The following OLA1 variants were observed in gnomAD, a reference collection of about 807,000 sequenced individuals.
The protein encoded by OLA1 is obg-like ATPase 1.
A neutral mutation model predicts 48.4 loss-of-function variants in OLA1; 14 were observed. The ratio of observed to expected loss-of-function variants is 0.29; its 90% CI spans 0.19 to 0.45. OLA1 has a LOEUF of 0.45. Ranked by LOEUF, OLA1 falls within the 20% of genes least tolerant of loss-of-function variation. The pLI is 1.00. For missense variants in OLA1, 325 were observed against 467.1 expected (o/e 0.70, Z 2.80); for synonymous variants, 127 against 150.4 (o/e 0.84, Z 1.14).
chr2:174,121,901 T>C (rs79419068), intron 7 of OLA1, among the ~76,000 whole-genome samples: 146 of 152,332 alleles, frequency 9.6e-4, no homozygotes, highest in Non-Finnish European at 1.8e-3. Context: ...ATGTAAACTT[T>C]GATGTCTGTA....
chr2:174,217,407 C>T (rs1688386544), intron 4 of OLA1, among the ~76,000 whole-genome samples: 1 of 151,956 alleles, frequency 6.6e-6, no homozygotes, highest in Non-Finnish European at 1.5e-5. Context: ...CACCAACCTG[C>T]TAATTATTAT....
chr2:174,102,847 CA>C (rs1468051055), intron 7 of OLA1, among the ~76,000 whole-genome samples: 1 of 152,154 alleles, frequency 6.6e-6, no homozygotes, highest in African/African-American at 2.4e-5. Context: ...CCTATTGTAT[CA>C]AGTTGCCTGT....
chr2:174,141,728 C>T, intron 5 of OLA1, 97 bp downstream of exon 5: 1 of 949,022 alleles, frequency 1.1e-6, no homozygotes, highest in Non-Finnish European at 1.5e-6. Context: ...TCTAAAATTC[C>T]ATAACAATAT....
rs184081984 is a variant in OLA1 at position 174,228,733 on chromosome 2, T to A, written c.245+575A>T. 1.5e-3 allele frequency among the ~76,000 whole-genome samples: 226 copies of A among 152,310 alleles called. 2 individuals are homozygous for A. Among genetic ancestry groups the A allele is most frequent in the Non-Finnish European group, 3.2e-4 (22 of 68,022 alleles). ...CAGTCTATGATCATTTCATACATTT[T>A]TTATGCATATAAACAAACACATTTA... is the stretch of plus-strand genomic sequence containing the variant. On this transcript the variant is annotated intron_variant, in intron 3 of 10. Coordinates refer to ENST00000284719, the MANE Select transcript of OLA1 (RefSeq NM_013341.5).
chr2:174,116,269 C>T (rs1685780524), intron 7 of OLA1, among the ~76,000 whole-genome samples: 2 of 152,144 alleles, frequency 1.3e-5, no homozygotes, highest in Non-Finnish European at 2.9e-5. Context: ...AAAATGGTCA[C>T]AGATACAAAA....
intron 4 of OLA1, among the ~76,000 whole-genome samples, chr2:174,145,855 G>A (rs1468483485): frequency 1.3e-5 from 2 of 152,292 alleles, no homozygotes; most frequent in Non-Finnish European, 2.9e-5. Context: ...GATGATGATA[G>A]GATATGATAC....
intron 4 of OLA1, among the ~76,000 whole-genome samples, chr2:174,171,084 T>A (rs1450234020): frequency 6.6e-6 from 1 of 152,206 alleles, no homozygotes; most frequent in Non-Finnish European, 1.5e-5. Context: ...TAAGGCATAA[T>A]ATACACATAA....
intron 1 of OLA1, among the ~76,000 whole-genome samples, chr2:174,247,470 A>T (rs1689151831): frequency 6.6e-6 from 1 of 152,248 alleles, no homozygotes; most frequent in South Asian, 2.1e-4. Context: ...CTCACAAAAC[A>T]CTTTATATCT....
At chr2:174,242,227 G>C (rs1309664060) in intron 2 of OLA1, among the ~76,000 whole-genome samples, 1 of 152,228 alleles carries the variant, frequency 6.6e-6, no homozygotes, top group East Asian at 1.9e-4. Context: ...CACGGACCAA[G>C]GGTGTGGGGG....
At chr2:174,176,814 T>C (rs1170719227) in intron 4 of OLA1, among the ~76,000 whole-genome samples, 1 of 152,128 alleles carries the variant, frequency 6.6e-6, no homozygotes, top group Non-Finnish European at 1.5e-5. Context: ...AAAGAACCAT[T>C]TTATTTTAGA....
At chr2:174,184,619 A>G (rs1478489352) in intron 4 of OLA1, among the ~76,000 whole-genome samples, 1 of 152,218 alleles carries the variant, frequency 6.6e-6, no homozygotes. Context: ...TCTAGAGTTT[A>G]GTTAACAGCA....
chr2:174,223,822 T>C (rs1479233842), intron 3 of OLA1, among the ~76,000 whole-genome samples: 1 of 142,692 alleles, frequency 7.0e-6, no homozygotes, highest in Non-Finnish European at 1.5e-5. Context: ...ATCAGCATAG[T>C]AATAACCTAG....
intron 1 of OLA1, chr2:174,247,893 G>A: frequency 1.7e-6 from 2 of 1,208,562 alleles, no homozygotes; most frequent in Non-Finnish European, 2.3e-6. Flanking sequence ...GGACTGCAAA[G>A]TGAAATCACA....
intron 4 of OLA1, among the ~76,000 whole-genome samples, chr2:174,183,833 A>G (rs908006969): frequency 6.6e-6 from 1 of 152,222 alleles, no homozygotes; most frequent in African/African-American, 2.4e-5. Context: ...ACGGTACTCA[A>G]TATCTCTTCT....
At chr2:174,239,002 T>C (rs111837204) in intron 2 of OLA1, among the ~76,000 whole-genome samples, 15 of 152,138 alleles carry the variant, frequency 9.9e-5, no homozygotes, top group Admixed American at 5.9e-4. Context: ...TAAGAATCTA[T>C]ACTGATATAA....
At chr2:174,203,059 T>C (rs1328230287) in intron 4 of OLA1, among the ~76,000 whole-genome samples, 1 of 152,150 alleles carries the variant, frequency 6.6e-6, no homozygotes, top group Non-Finnish European at 1.5e-5. Context: ...CAACTTTGTC[T>C]CCTTTTCTAG....
intron 4 of OLA1, among the ~76,000 whole-genome samples, chr2:174,188,946 T>C (rs1687715683): frequency 3.3e-5 from 5 of 152,152 alleles, no homozygotes; most frequent in African/African-American, 7.2e-5. Context: ...AGATAAGAGA[T>C]ATTCACCTTA....
intron 4 of OLA1, among the ~76,000 whole-genome samples, chr2:174,210,252 T>G (rs1402588108): frequency 6.6e-6 from 1 of 152,104 alleles, no homozygotes; most frequent in East Asian, 1.9e-4. Flanking sequence ...ACACATATAA[T>G]CAGGAGAAGA....
chr2:174,134,219 G>C (rs1036511164), intron 5 of OLA1, among the ~76,000 whole-genome samples: 1 of 152,260 alleles, frequency 6.6e-6, no homozygotes, highest in African/African-American at 2.4e-5. Flanking sequence ...AGTTCATATG[G>C]TAAGTCTATA....
Sources: allele counts gnomAD v4.1 joint callset (sites outside exome capture counted in the v4.1 genomes callset), GRCh38; gene constraint gnomAD v4.1.1; transcripts MANE v1.5; gene names NCBI Gene and HGNC (gene_info 2026-07-23, HGNC 2026-07-21).